SAMSN1: variants seen among roughly 807,000 people sequenced by gnomAD.
SAMSN1 encodes the protein SAM domain, SH3 domain and nuclear localization signals 1, also known as SAM domain-containing protein SAMSN-1.
SAMSN1 carries 31 observed loss-of-function variants against 42.0 expected under a neutral mutation model. That is an observed-to-expected ratio of 0.74 (90% CI 0.55 to 1.00). The LOEUF (loss-of-function observed/expected upper bound fraction) is 1.00. Among genes scored for constraint, SAMSN1 ranks in the 50% least tolerant of loss-of-function variants. The pLI, the probability that SAMSN1 is intolerant of heterozygous loss-of-function variation, is 0.00. For synonymous variants in SAMSN1, 178 were observed against 151.9 expected (o/e 1.17, Z -1.26); for missense variants, 464 against 439.4 (o/e 1.06, Z -0.50).
chr21:14,534,523 TC>T (rs201420559), intron 1 of SAMSN1, among the ~76,000 whole-genome samples: 2,439 of 88,652 alleles, frequency 0.028, 28 homozygotes, highest in African/African-American at 0.1. Flanking sequence ...AGACTTTTTT[TC>T]TTTTTTTTTT....
chr21:14,560,273 G>A (rs1317791723), intron 2 of SAMSN1, among the ~76,000 whole-genome samples: 1 of 152,156 alleles, frequency 6.6e-6, no homozygotes, highest in Non-Finnish European at 1.5e-5. Context: ...AATGGGCAGA[G>A]TATATGATAT....
upstream of SAMSN1, among the ~76,000 whole-genome samples, chr21:14,588,002 T>C (rs1232682503): frequency 7.2e-6 from 1 of 138,188 alleles, no homozygotes; most frequent in East Asian, 2.2e-4. Flanking sequence ...CGGTGTTTGG[T>C]TTTTTGTTCT....
At chr21:14,497,206 TG>T (rs1389783462) in intron 7 of SAMSN1, among the ~76,000 whole-genome samples, 1 of 152,160 alleles carries the variant, frequency 6.6e-6, no homozygotes, top group Non-Finnish European at 1.5e-5. Flanking sequence ...CTCAAAGAAC[TG>T]GGGTAAGTAC....
chr21:14,513,980 G>C (rs921631517), intron 3 of SAMSN1, among the ~76,000 whole-genome samples: 1 of 152,104 alleles, frequency 6.6e-6, no homozygotes, highest in Non-Finnish European at 1.5e-5. Context: ...TCTTGCTGCG[G>C]GACCCTTCTT....
chr21:14,577,409 G>A (rs1354884935), intron 2 of SAMSN1, among the ~76,000 whole-genome samples: 3 of 148,936 alleles, frequency 2.0e-5, no homozygotes, highest in African/African-American at 7.4e-5. Flanking sequence ...CACCACACCT[G>A]GCCCCATTTC....
intron 5 of SAMSN1, among the ~76,000 whole-genome samples, chr21:14,605,832 A>ATTTATTTATTTATTTATTTT (rs1555842472): frequency 6.7e-6 from 1 of 149,828 alleles, no homozygotes; most frequent in African/African-American, 2.4e-5. Context: ...TTATTTATTT[A>ATTTATTTATTTATTTATTTT]TTTATTTATT....
Position 14,567,566 on chromosome 21 carries a change from G to T in SAMSN1, c.261+14570C>A, listed in dbSNP as rs926196066. On this transcript the variant is annotated intron_variant, in intron 2 of 8. Coordinates refer to the SAMSN1 transcript ENST00000285670. ...TTGGAAAGCACAAAACTACCTCTGG[G>T]GATTTATCCACTGCACCCATTAGAG... is the stretch of plus-strand genomic sequence containing the variant. Among the ~76,000 whole-genome samples, 5 of 151,994 alleles carry T rather than the reference G, an allele frequency of 3.3e-5. No individual in the cohort carries two copies. In the East Asian group the frequency reaches 9.6e-4, roughly 29 times the overall value.
intron 2 of SAMSN1, among the ~76,000 whole-genome samples, chr21:14,574,095 A>G (rs1258173957): frequency 6.6e-6 from 1 of 152,152 alleles, no homozygotes; most frequent in Non-Finnish European, 1.5e-5. Flanking sequence ...ATTGATGTCC[A>G]GCTTTGGTGA....
chr21:14,499,937 G>A (rs1271563534), intron 6 of SAMSN1, among the ~76,000 whole-genome samples: 1 of 152,172 alleles, frequency 6.6e-6, no homozygotes, highest in Non-Finnish European at 1.5e-5. Context: ...TAGGTGTAGT[G>A]TATGTACACA....
chr21:14,495,716 A>G (rs1372667379), intron 7 of SAMSN1: 1 of 152,194 alleles, frequency 6.6e-6, no homozygotes. Context: ...ATCAAAAACC[A>G]TTTAATGCTT....
intron 6 of SAMSN1, among the ~76,000 whole-genome samples, chr21:14,596,078 T>G (rs1982252834): frequency 6.6e-6 from 1 of 152,182 alleles, no homozygotes; most frequent in Admixed American, 6.6e-5. Flanking sequence ...AAATAAAAGC[T>G]AAATGTAGAG....
upstream of SAMSN1, among the ~76,000 whole-genome samples, chr21:14,588,027 G>A (rs1006678416): frequency 3.6e-5 from 5 of 137,778 alleles, no homozygotes; most frequent in Non-Finnish European, 7.8e-5. Context: ...ATAGTTTACT[G>A]AGAATGATGA....
intron 7 of SAMSN1, among the ~76,000 whole-genome samples, chr21:14,488,846 A>G (rs888570236): frequency 3.3e-5 from 5 of 152,220 alleles, no homozygotes; most frequent in African/African-American, 1.2e-4. Context: ...AATGCTTCCT[A>G]CCAGGCTTGC....
chr21:14,541,637 C>A (rs1224306957), intron 1 of SAMSN1, among the ~76,000 whole-genome samples: 1 of 152,178 alleles, frequency 6.6e-6, no homozygotes, highest in Non-Finnish European at 1.5e-5. Context: ...AAAGATTAGA[C>A]ACCCCTAGAG....
chr21:14,638,319 A>G (rs1030268226), intron 2 of SAMSN1, among the ~76,000 whole-genome samples: 9 of 152,050 alleles, frequency 5.9e-5, no homozygotes, highest in African/African-American at 1.7e-4. Context: ...TGTTTTACTC[A>G]TTTTTTATAT....
At chr21:14,626,719 C>T (rs536971444) in intron 2 of SAMSN1, among the ~76,000 whole-genome samples, 3 of 152,276 alleles carry the variant, frequency 2.0e-5, no homozygotes, top group South Asian at 2.1e-4. Context: ...GACAGTGTGG[C>T]GATTCCTCAG....
At chr21:14,526,700 A>G (rs1280829505) in intron 1 of SAMSN1, among the ~76,000 whole-genome samples, 1 of 152,190 alleles carries the variant, frequency 6.6e-6, no homozygotes, top group Non-Finnish European at 1.5e-5. Context: ...ATGCCATTCC[A>G]TTACAGAATC....
At chr21:14,619,690 G>C in intron 2 of SAMSN1, 1 of 316,962 alleles carries the variant, frequency 3.2e-6, no homozygotes, top group South Asian at 2.8e-5. Flanking sequence ...ACAAAAGAGA[G>C]ATTAGCAAGA....
intron 2 of SAMSN1, among the ~76,000 whole-genome samples, chr21:14,639,781 A>C (rs463266): frequency 6.6e-6 from 1 of 151,886 alleles, no homozygotes; most frequent in Non-Finnish European, 1.5e-5. Context: ...ACTTAGCCGC[A>C]TGCTTGTTCA....
Sources: allele counts gnomAD v4.1 joint callset (sites outside exome capture counted in the v4.1 genomes callset), GRCh38; gene constraint gnomAD v4.1.1; transcripts MANE v1.5; gene names NCBI Gene and HGNC (gene_info 2026-07-23, HGNC 2026-07-21).